The following NWD1 variants were observed in gnomAD, a reference collection of about 807,000 sequenced individuals.
The protein encoded by NWD1 is NACHT domain- and WD repeat-containing protein 1.
Under a neutral mutation model 135.1 loss-of-function variants are expected in NWD1, and 129 were observed. The ratio of observed to expected loss-of-function variants is 0.96; its 90% CI spans 0.83 to 1.11. The LOEUF is 1.11. Ranked by LOEUF, NWD1 falls within the 50% of genes least tolerant of loss-of-function variation. NWD1 has a pLI of 0.00. For synonymous variants in NWD1, 773 were observed against 786.0 expected (o/e 0.98, Z 0.28); for missense variants, 1,740 against 1,851.3 (o/e 0.94, Z 1.10).
In NWD1 at chr19:16,756,324, C is replaced by T. The variant is rs533198024; in HGVS notation, c.1770-2901C>T. Among the ~76,000 whole-genome samples, 5 of 152,206 alleles carry T rather than the reference C, an allele frequency of 3.3e-5. No homozygotes were observed. The South Asian group carries it at 8.3e-4, about 25-fold the overall frequency. ...AAGTGGAAGTGGATATCACAAAGGTCTTCATCCTTGTCATCTTCACATTGA... is the reference window on the plus strand; with the variant it reads ...AAGTGGAAGTGGATATCACAAAGGTTTTCATCCTTGTCATCTTCACATTGA... On this transcript the variant is annotated intron_variant, in intron 6 of 18. Transcript: ENST00000524140.
At chr19:16,781,190 G>A (rs57431091) in intron 12 of NWD1, among the ~76,000 whole-genome samples, 12,082 of 152,148 alleles carry the variant, frequency 0.079, 1,531 homozygotes, top group African/African-American at 0.27. Flanking sequence ...GACGAGGGTC[G>A]GGACTAGGAT....
intron 18 of NWD1, among the ~76,000 whole-genome samples, chr19:16,813,981 GTC>G (rs1424298801): frequency 6.6e-6 from 1 of 150,714 alleles, no homozygotes; most frequent in East Asian, 2.0e-4. Flanking sequence ...GCGAGACTCT[GTC>G]TCTACAAAAA....
chr19:16,788,327 G>C (rs183214806), intron 12 of NWD1, among the ~76,000 whole-genome samples: 2 of 149,662 alleles, frequency 1.3e-5, no homozygotes, highest in East Asian at 1.9e-4. Flanking sequence ...CCCAGCACTT[G>C]GGAGGCTCAG....
intron 5 of NWD1, among the ~76,000 whole-genome samples, chr19:16,747,846 A>G (rs903387343): frequency 5.3e-5 from 8 of 152,110 alleles, no homozygotes; most frequent in African/African-American, 1.9e-4. Flanking sequence ...GGCTTCTCTC[A>G]CTTGGCATCA....
chr19:16,797,808 T>C lies in NWD1; in HGVS notation c.3381T>C (p.His1127=). Residue 1127 remains histidine (H), a synonymous_variant, in exon 16 of 19, where the codon CAT becomes CAC. Coordinates refer to ENST00000524140, the MANE Select transcript of NWD1 (RefSeq NM_001007525.5). The stretch of plus-strand genomic sequence containing the variant: ...GATTCATGGCCATGGATCTGGAACA[T>C]GAAGACATGGTGGAGACGGCTGTTT... ...FRRFMAMDLE[H]EDMVETAVFG... 6.2e-7 allele frequency: 1 copy of C among 1,614,004 alleles called. No individual in the cohort carries two copies. The highest frequency in any genetic ancestry group is 8.5e-7 in the Non-Finnish European group (1 of 1,179,884).
intron 14 of NWD1, 139 bp from the exon 15 acceptor site, chr19:16,794,324 C>T: frequency 1.8e-6 from 1 of 543,898 alleles, no homozygotes; most frequent in Non-Finnish European, 3.3e-6. Flanking sequence ...CAAGATCATA[C>T]CACCGCACTC....
intron 6 of NWD1, 103 bp from the exon 7 acceptor site, chr19:16,759,122 G>A (rs1968909384): frequency 1.1e-6 from 1 of 904,266 alleles, no homozygotes; most frequent in Non-Finnish European, 1.8e-6. Flanking sequence ...TGATGTGCTG[G>A]ACACCGCGCG....
chr19:16,731,754 G>A (rs8111063), intron 3 of NWD1, among the ~76,000 whole-genome samples: 85,298 of 151,172 alleles, frequency 0.56, 24,790 homozygotes, highest in African/African-American at 0.64. Flanking sequence ...ACAGGTGCCC[G>A]CCACCACGCC....
chr19:16,753,851 A>T, intron 6 of NWD1, among the ~76,000 whole-genome samples: 1 of 142,820 alleles, frequency 7.0e-6, no homozygotes, highest in East Asian at 2.2e-4. Flanking sequence ...CCATCCATCC[A>T]TCCATCCATC....
At chr19:16,768,022 C>T (rs925015241) in intron 10 of NWD1, among the ~76,000 whole-genome samples, 4 of 122,664 alleles carry the variant, frequency 3.3e-5, no homozygotes, top group South Asian at 2.8e-4. Flanking sequence ...GACAGAGTCT[C>T]GCTCTGTCAC....
intron 1 of NWD1, among the ~76,000 whole-genome samples, chr19:16,723,618 C>G (rs1967217025): frequency 6.6e-6 from 1 of 152,146 alleles, no homozygotes; most frequent in African/African-American, 2.4e-5. Context: ...GGCCCCTTGG[C>G]TGATTTTAAT....
In NWD1 at chr19:16,761,994, G is replaced by T; in HGVS notation, c.1989G>T (p.Val663=). 2 of 1,613,966 alleles carry T rather than the reference G, an allele frequency of 1.2e-6. No individual in the cohort carries two copies. Among genetic ancestry groups the T allele is most frequent in the Non-Finnish European group, 1.7e-6 (2 of 1,179,924 alleles). Residue 663 remains valine, a synonymous_variant, in exon 8 of 19, where the codon GTG becomes GTT. Coordinates refer to ENST00000524140, the MANE Select transcript of NWD1 (RefSeq NM_001007525.5). ...CTCTCTGTAGACAGCTGGTCGAGGT[G>T]GTCCGTGAGCGCTACCTGTCAGGAT... is the stretch of plus-strand genomic sequence containing the variant. ...LAIAHRQLVE[V]VRERYLSGSE... is the part of the protein sequence containing the mutation.
chr19:16,747,602 A>C (rs1968380192), intron 5 of NWD1, among the ~76,000 whole-genome samples: 1 of 151,708 alleles, frequency 6.6e-6, no homozygotes, highest in African/African-American at 2.4e-5. Flanking sequence ...CGAACTCCTG[A>C]GCTCAAGTGA....
At position 16,736,525 on chromosome 19, in the gene NWD1, A is replaced by AGGG; in HGVS notation, c.82-107_82-106insGGG. ...AATCCAGACATCCCCCTACAGGAAG[A>AGGG]GGCTGTCAAAAATTTTTGAAAGAAA... is the stretch of plus-strand genomic sequence containing the variant. On this transcript the variant is annotated intron_variant, in intron 3 of 18. Coordinates refer to ENST00000524140, the MANE Select transcript of NWD1 (RefSeq NM_001007525.5). 4 of 694,932 alleles carry AGGG rather than the reference A, an allele frequency of 5.8e-6. No homozygotes were observed. The South Asian group carries it at 6.5e-5, about 11-fold the overall frequency. The allele number at this position is 694,932 out of a possible 1,614,324, so 43.0% of individuals were successfully genotyped here. A position where few individuals can be genotyped will look rare whatever the true frequency, so the allele number is the denominator to read the frequency against.
intron 6 of NWD1, among the ~76,000 whole-genome samples, chr19:16,754,790 TCATCCATCCATC>T (rs112223594): frequency 4.8e-5 from 7 of 145,370 alleles, no homozygotes; most frequent in African/African-American, 1.0e-4. Flanking sequence ...ATCATCTCTA[TCATCCATCCATC>T]CATCCATCCA....
chr19:16,790,134 C>T (rs115959069), intron 13 of NWD1, among the ~76,000 whole-genome samples: 52 of 152,192 alleles, frequency 3.4e-4, no homozygotes, highest in African/African-American at 1.2e-3. Context: ...AATGGAGACA[C>T]ACAATAACTT....
intron 17 of NWD1, among the ~76,000 whole-genome samples, chr19:16,803,495 C>A (rs1970662722): frequency 6.6e-6 from 1 of 151,950 alleles, no homozygotes; most frequent in African/African-American, 2.4e-5. Flanking sequence ...TTAGCAACAC[C>A]AATGAACTAA....
At position 16,815,531 on chromosome 19, in the gene NWD1, A is replaced by C. The variant is rs1971045190; in HGVS notation, c.*492A>C. 1 of 540,526 alleles carries C rather than the reference A, an allele frequency of 1.9e-6. No individual in the cohort carries two copies. The highest frequency in any genetic ancestry group is 1.9e-5 in the African/African-American group (1 of 52,502). 33.5% of individuals were successfully genotyped at this position (540,526 alleles called of 1,614,324 possible). A position where few individuals can be genotyped will look rare whatever the true frequency, so the allele number is the denominator to read the frequency against. On this transcript the variant is annotated 3_prime_UTR_variant, in exon 19 of 19. Coordinates refer to ENST00000524140, the MANE Select transcript of NWD1 (RefSeq NM_001007525.5). ...TTTCATTCTCAGACTTGCCACCCCC[A>C]GGTTAGCAACATGGTGGCCAATATG...
chr19:16,779,197 TTGC>T, intron 11 of NWD1, 143 bp from the exon 12 acceptor site: 3 of 846,162 alleles, frequency 3.5e-6, no homozygotes, highest in Non-Finnish European at 5.8e-6. Context: ...AATCTAATCC[TTGC>T]TGTGCAGCTT....
Sources: allele counts gnomAD v4.1 joint callset (sites outside exome capture counted in the v4.1 genomes callset), GRCh38; gene constraint gnomAD v4.1.1; transcripts MANE v1.5; gene names NCBI Gene and HGNC (gene_info 2026-07-23, HGNC 2026-07-21).